Variants in KIF21A observed in about 807,000 individuals in gnomAD.
KIF21A encodes the protein kinesin family member 21A.
A neutral mutation model predicts 202.9 loss-of-function variants in KIF21A; 114 were observed. The ratio of observed to expected loss-of-function variants is 0.56; its 90% confidence interval spans 0.48 to 0.66. The LOEUF is 0.66. Among genes scored for constraint, KIF21A ranks in the 30% least tolerant of loss-of-function variants. The pLI is 0.00. For missense variants in KIF21A, 1,677 were observed against 1,994.9 expected (o/e 0.84, Z 3.04); for synonymous variants, 667 against 670.8 (o/e 0.99, Z 0.09).
chr12:39,350,457 G>C (rs1023306381), intron 11 of KIF21A, among the ~76,000 whole-genome samples: 6 of 151,898 alleles, frequency 4.0e-5, no homozygotes, highest in African/African-American at 1.4e-4. Flanking sequence ...TTAAAAACAA[G>C]TCATACCATT....
intron 1 of KIF21A, among the ~76,000 whole-genome samples, chr12:39,388,230 G>A (rs959798496): frequency 2.0e-5 from 3 of 152,094 alleles, no homozygotes; most frequent in Middle Eastern, 3.2e-3. Flanking sequence ...GTTTCTGTAA[G>A]AACTGATTGT....
chr12:39,325,216 T>C (rs1324630438), intron 26 of KIF21A, among the ~76,000 whole-genome samples: 3 of 152,126 alleles, frequency 2.0e-5, no homozygotes, highest in South Asian at 2.1e-4. Flanking sequence ...TGAGATTGTA[T>C]GCCACTACAG....
intron 1 of KIF21A, among the ~76,000 whole-genome samples, chr12:39,389,683 G>C (rs1015483): frequency 0.045 from 6,871 of 152,198 alleles, 215 homozygotes; most frequent in African/African-American, 0.091. Context: ...CCAACTGAGA[G>C]AATGACCACC....
intron 1 of KIF21A, among the ~76,000 whole-genome samples, chr12:39,376,583 G>C (rs1172524644): frequency 6.6e-6 from 1 of 152,084 alleles, no homozygotes; most frequent in Non-Finnish European, 1.5e-5. Context: ...ATGAGCTACT[G>C]AAGGAATGCT....
chr12:39,351,820 C>A lies in KIF21A; in HGVS notation c.1630G>T (p.Asp544Tyr). Residue 544 changes from aspartate (D) to tyrosine (Y), a missense_variant, in exon 11 of 38, where the codon GAT (aspartate) becomes TAT (tyrosine). Asp to Tyr is a radical substitution (Grantham distance 160). Coordinates refer to ENST00000361418, the MANE Select transcript of KIF21A (RefSeq NM_001173464.2). ...TIEIIDLAKK[D>Y]LEKLKRKEKR... Reference sequence around the variant, plus strand: ...TCTTTTCTTTTCAACTTCTCTAAATCTTTTTTTGCTAGGTCTATAATTTCA... The same window carrying A: ...TCTTTTCTTTTCAACTTCTCTAAATATTTTTTTGCTAGGTCTATAATTTCA... 5 of 1,601,440 alleles carry A rather than the reference C, an allele frequency of 3.1e-6. No homozygotes were observed. The highest frequency in any genetic ancestry group is 4.3e-6 in the Non-Finnish European group (5 of 1,169,832).
intron 1 of KIF21A, among the ~76,000 whole-genome samples, chr12:39,399,817 A>G (rs979860921): frequency 6.6e-6 from 1 of 152,210 alleles, no homozygotes; most frequent in Non-Finnish European, 1.5e-5. Context: ...GCCCTGCTGA[A>G]AAGATGGATT....
chr12:39,350,736 A>G (rs935141592), intron 11 of KIF21A, among the ~76,000 whole-genome samples: 1 of 152,072 alleles, frequency 6.6e-6, no homozygotes, highest in African/African-American at 2.4e-5. Flanking sequence ...ACCATAATGT[A>G]TAATTCCTTG....
At chr12:39,371,265 T>G (rs1182575970) in intron 1 of KIF21A, among the ~76,000 whole-genome samples, 1 of 152,066 alleles carries the variant, frequency 6.6e-6, no homozygotes, top group East Asian at 1.9e-4. Flanking sequence ...AGAAATAAAT[T>G]AAAAATGAAT....
chr12:39,407,727 T>C (rs570730430), intron 1 of KIF21A, among the ~76,000 whole-genome samples: 1 of 152,216 alleles, frequency 6.6e-6, no homozygotes, highest in Admixed American at 6.5e-5. Flanking sequence ...TAACAAATAT[T>C]CCCCTACTCA....
chr12:39,345,722 A>G (rs1182979028), intron 12 of KIF21A, among the ~76,000 whole-genome samples: 1 of 151,864 alleles, frequency 6.6e-6, no homozygotes, highest in African/African-American at 2.4e-5. Flanking sequence ...TTGTTTAGGA[A>G]AATCTATGAA....
chr12:39,348,268 T>C (rs1948071871), intron 11 of KIF21A, among the ~76,000 whole-genome samples: 1 of 152,132 alleles, frequency 6.6e-6, no homozygotes, highest in Admixed American at 6.6e-5. Flanking sequence ...ATGCTTCTTC[T>C]ACAGTTAAAG....
chr12:39,377,221 C>T (rs1330115672), intron 1 of KIF21A, among the ~76,000 whole-genome samples: 1 of 152,096 alleles, frequency 6.6e-6, no homozygotes, highest in Non-Finnish European at 1.5e-5. Context: ...ATAAATCTAT[C>T]CTCTGTACAG....
chr12:39,386,331 G>A (rs1341818350), intron 1 of KIF21A, among the ~76,000 whole-genome samples: 4 of 152,100 alleles, frequency 2.6e-5, no homozygotes, highest in African/African-American at 9.7e-5. Context: ...CCTGAGGGAT[G>A]GTGAATCAAT....
At position 39,294,613 on chromosome 12, in the gene KIF21A, T is replaced by C. The variant is rs1173541382; in HGVS notation, c.4932-96A>G. 6.5e-6 allele frequency: 6 copies of C among 925,926 alleles called. No individual in the cohort carries two copies. In the African/African-American group the frequency reaches 9.9e-5, roughly 15 times the overall value. The allele number at this position is 925,926 out of a possible 1,614,324, so 57.4% of individuals were successfully genotyped here. ...ACTTATCATGGAAATATTTTCTACA[T>C]AGGTCTTCAAGAAATCCAAGTATAA... On this transcript the variant is annotated intron_variant, in intron 37 of 37. Transcript: ENST00000361418.
intron 1 of KIF21A, among the ~76,000 whole-genome samples, chr12:39,421,862 T>A (rs1443597638): frequency 1.4e-5 from 2 of 147,704 alleles, no homozygotes; most frequent in African/African-American, 2.5e-5. Flanking sequence ...TTTATATATA[T>A]AAATAATAAA....
intron 1 of KIF21A, among the ~76,000 whole-genome samples, chr12:39,398,878 A>G (rs1034181997): frequency 2.6e-5 from 4 of 151,606 alleles, no homozygotes; most frequent in African/African-American, 9.7e-5. Flanking sequence ...AAAATACTCA[A>G]AAAAATTAAA....
intron 1 of KIF21A, among the ~76,000 whole-genome samples, chr12:39,371,343 T>C (rs568438504): frequency 5.3e-5 from 8 of 151,724 alleles, no homozygotes; most frequent in Non-Finnish European, 1.0e-4. Context: ...TTTCCTCCAC[T>C]GGAAGACCAC....
At chr12:39,346,022 TA>T (rs1364968646) in intron 12 of KIF21A, among the ~76,000 whole-genome samples, 2 of 151,970 alleles carry the variant, frequency 1.3e-5, no homozygotes, top group African/African-American at 4.8e-5. Context: ...TTATACCAAA[TA>T]AAGAAGAGAG....
chr12:39,416,416 C>A (rs1041607895), intron 1 of KIF21A, among the ~76,000 whole-genome samples: 2 of 151,548 alleles, frequency 1.3e-5, no homozygotes, highest in Non-Finnish European at 2.9e-5. Flanking sequence ...GTCAACATGG[C>A]GAAACCCCGT....
Sources: allele counts gnomAD v4.1 joint callset (sites outside exome capture counted in the v4.1 genomes callset), GRCh38; gene constraint gnomAD v4.1.1; transcripts MANE v1.5; gene names NCBI Gene and HGNC (gene_info 2026-07-23, HGNC 2026-07-21).